The following XPOT variants were observed in gnomAD, a reference collection of about 807,000 sequenced individuals.
XPOT encodes the protein exportin for tRNA.
Under a neutral mutation model 128.2 loss-of-function variants are expected in XPOT, and 34 were observed. The ratio of observed to expected loss-of-function variants is 0.27; its 90% CI spans 0.20 to 0.35. The LOEUF (loss-of-function observed/expected upper bound fraction) is 0.35, where lower values mean the gene tolerates loss of function less well. Among genes scored for constraint, XPOT ranks in the 10% least tolerant of loss-of-function variants. XPOT has a pLI of 1.00. For synonymous variants in XPOT, 348 were observed against 394.3 expected, an observed-to-expected ratio of 0.88 and a Z score of 1.39; for missense variants, 838 against 1,125.3, an observed-to-expected ratio of 0.74 and a Z score of 3.65.
At chr12:64,432,290 G>C (rs923920087) in intron 18 of XPOT, among the ~76,000 whole-genome samples, 43 of 151,506 alleles carry the variant, frequency 2.8e-4, no homozygotes, top group African/African-American at 1.0e-3. Context: ...CTGTCACATA[G>C]GCTGGAGTGC....
At chr12:64,406,676 A>G (rs1192595070) in intron 1 of XPOT, among the ~76,000 whole-genome samples, 2 of 152,110 alleles carry the variant, frequency 1.3e-5, no homozygotes, top group African/African-American at 2.4e-5. Context: ...CTGCCTGGCC[A>G]GCATTTTTTT....
chr12:64,434,140 G>C (rs1007273625), intron 19 of XPOT, among the ~76,000 whole-genome samples: 1 of 152,068 alleles, frequency 6.6e-6, no homozygotes, highest in Non-Finnish European at 1.5e-5. Flanking sequence ...CTCCTGAGTA[G>C]CCAGGACCAT....
intron 24 of XPOT, among the ~76,000 whole-genome samples, chr12:64,447,791 G>C (rs1008870230): frequency 6.6e-6 from 1 of 152,110 alleles, no homozygotes; most frequent in Non-Finnish European, 1.5e-5. Context: ...TGTTAATTTG[G>C]AAATAGTACC....
chr12:64,430,423 C>A, intron 17 of XPOT, 136 bp downstream of exon 17: 1 of 763,950 alleles, frequency 1.3e-6, no homozygotes, highest in Non-Finnish European at 2.0e-6. Flanking sequence ...CCTCCAAATC[C>A]AGTCAGTTAG....
chr12:64,431,402 A>T, intron 17 of XPOT, 136 bp from the exon 18 acceptor site: 1 of 801,860 alleles, frequency 1.2e-6, no homozygotes, highest in Non-Finnish European at 2.0e-6. Flanking sequence ...AGATGGAAGT[A>T]ATTGTGATGT....
intron 2 of XPOT, 120 bp downstream of exon 2, chr12:64,410,215 A>T: frequency 1.3e-6 from 1 of 771,878 alleles, no homozygotes; most frequent in East Asian, 2.7e-5. Context: ...AAACAAAAAA[A>T]TTTGAGGTAT....
At chr12:64,421,151 G>A (rs1371008108) in intron 8 of XPOT, 84 bp from the exon 9 acceptor site, 3 of 961,960 alleles carry the variant, frequency 3.1e-6, no homozygotes, top group South Asian at 2.9e-5. Flanking sequence ...CCTGTAATTA[G>A]CACTTGATTC....
intron 23 of XPOT, among the ~76,000 whole-genome samples, chr12:64,441,291 AAG>A (rs1465492738): frequency 6.6e-6 from 1 of 152,170 alleles, no homozygotes. Context: ...TCTGTCTTAA[AAG>A]AGAGAGGGTC....
intron 22 of XPOT, among the ~76,000 whole-genome samples, chr12:64,436,660 A>C (rs1007180357): frequency 6.6e-6 from 1 of 151,808 alleles, no homozygotes; most frequent in Admixed American, 6.6e-5. Flanking sequence ...AGCTCATTGC[A>C]GACCCCACCT....
At chr12:64,416,362 G>A (rs2040087426) in intron 3 of XPOT, among the ~76,000 whole-genome samples, 1 of 152,268 alleles carries the variant, frequency 6.6e-6, no homozygotes, top group Non-Finnish European at 1.5e-5. Flanking sequence ...ACCTGTTATT[G>A]TAAAATGAAG....
Position 64,436,722 on chromosome 12 carries a change from A to G in XPOT, c.2733+1048A>G, listed in dbSNP as rs1034197227. 1.2e-4 allele frequency among the ~76,000 whole-genome samples: 19 copies of G among 152,096 alleles called. 1 individual carries two copies. The highest frequency in any genetic ancestry group is 5.9e-5 in the Non-Finnish European group (4 of 68,028). On this transcript the variant is annotated intron_variant, in intron 22 of 24. Coordinates refer to ENST00000332707, the MANE Select transcript of XPOT (RefSeq NM_007235.6). ...CAGCCTCCTGAATAGCTGGGAGTAC[A>G]GGCGCACGCCACCACACCTGGCTAA...
rs1009872860 is a variant in XPOT, at chr12:64,450,022, ACCT to A, written c.*1893_*1895del. On this transcript the variant is annotated 3_prime_UTR_variant, in exon 25 of 25. Coordinates refer to ENST00000332707, the MANE Select transcript of XPOT (RefSeq NM_007235.6). ...ATGGAAATAATGGTAGCTACCTCAA[ACCT>A]CATTACGAATTCAATGAGTTAAACT... 98 of 152,326 alleles carry A rather than the reference ACCT, an allele frequency of 6.4e-4. 1 individual carries two copies. The highest frequency in any genetic ancestry group is 4.1e-3 in the Admixed American group (63 of 15,300). The allele number at this position is 152,326 out of a possible 1,614,324, so 9.4% of individuals were successfully genotyped here.
At chr12:64,420,591 TATA>T in intron 8 of XPOT, 70 bp downstream of exon 8, 2 of 1,193,948 alleles carry the variant, frequency 1.7e-6, no homozygotes, top group Non-Finnish European at 2.4e-6. Context: ...CTAAGTTAAA[TATA>T]ATAATAGCTT....
In XPOT at chr12:64,418,075, A is replaced by G. The variant is rs1592327907; in HGVS notation, c.230A>G (p.Gln77Arg). 1 of 1,613,686 alleles carries G rather than the reference A, an allele frequency of 6.2e-7. No homozygotes were observed. Among genetic ancestry groups the G allele is most frequent in the Non-Finnish European group, 8.5e-7 (1 of 1,179,804 alleles). The change falls in exon 5 of 25, where the codon CAG (glutamine) becomes CGG (arginine). Residue 77 changes from glutamine (Q) to arginine (R), a missense_variant. Coordinates refer to ENST00000332707, the MANE Select transcript of XPOT (RefSeq NM_007235.6). ...TCAGAACTAACCACTGTTCAACAACAGCTAATTAGGGAGACGCTCATATCA... is the reference window on the plus strand; with the variant it reads ...TCAGAACTAACCACTGTTCAACAACGGCTAATTAGGGAGACGCTCATATCA... ...KYSELTTVQQQLIRETLISWL... is the reference protein window; with the variant it reads ...KYSELTTVQQRLIRETLISWL...
intron 23 of XPOT, among the ~76,000 whole-genome samples, chr12:64,442,311 T>A (rs925722152): frequency 2.6e-5 from 4 of 152,074 alleles, no homozygotes; most frequent in Non-Finnish European, 4.4e-5. Context: ...ATTTTTGTAT[T>A]TTTAGTAGAG....
chr12:64,447,629 C>T (rs184061208), intron 24 of XPOT, among the ~76,000 whole-genome samples: 235 of 152,236 alleles, frequency 1.5e-3, no homozygotes, highest in Non-Finnish European at 2.8e-3. Context: ...CAGGCATGCA[C>T]CACCACACCC....
At chr12:64,433,388 C>G in intron 18 of XPOT, 26 bp from the exon 19 acceptor site, 1 of 1,498,510 alleles carries the variant, frequency 6.7e-7, no homozygotes, top group Non-Finnish European at 8.9e-7. Flanking sequence ...TTACTAATTT[C>G]TGAAGTAATG....
chr12:64,417,792 T>C (rs1317247283), intron 4 of XPOT, among the ~76,000 whole-genome samples: 2 of 152,228 alleles, frequency 1.3e-5, no homozygotes, highest in African/African-American at 2.4e-5. Context: ...ACATTTTCAT[T>C]CGAAAAATTG....
intron 1 of XPOT, 194 bp from the exon 2 acceptor site, chr12:64,409,767 AT>A (rs1027824975): frequency 2.9e-4 from 116 of 399,658 alleles, no homozygotes; most frequent in African/African-American, 2.3e-3. Flanking sequence ...GGAATTACAC[AT>A]TAGTGGAGTA....
Sources: gnomAD v4.1 joint callset for allele counts (sites outside exome capture counted in the v4.1 genomes callset) on GRCh38, gnomAD v4.1.1 for gene constraint, MANE v1.5 for transcripts, NCBI Gene and HGNC (gene_info 2026-07-23, HGNC 2026-07-21) for gene names.